Variants in ACOXL observed in about 807,000 individuals in gnomAD.
ACOXL encodes acyl-coenzyme A oxidase-like protein.
In ACOXL, 70 loss-of-function variants were observed where a neutral mutation model predicts 71.9. The ratio of observed to expected loss-of-function variants is 0.97; its 90% CI spans 0.80 to 1.19. ACOXL has a LOEUF of 1.19. Among genes scored for constraint, ACOXL ranks in the 50% most tolerant of loss-of-function variants. The pLI, the probability that ACOXL is intolerant of heterozygous loss-of-function variation, is 0.00. For missense variants in ACOXL, 703 were observed against 736.3 expected (o/e 0.95, Z 0.52); for synonymous variants, 253 against 281.6 (o/e 0.90, Z 1.02).
At chr2:110,767,581 G>A (rs530703659) in intron 1 of ACOXL, among the ~76,000 whole-genome samples, 2 of 152,320 alleles carry the variant, frequency 1.3e-5, no homozygotes, top group East Asian at 3.9e-4. Flanking sequence ...CATGGTGAAT[G>A]TAATTACCAT....
chr2:110,827,369 G>A (rs1310897001), intron 9 of ACOXL, among the ~76,000 whole-genome samples: 1 of 152,038 alleles, frequency 6.6e-6, no homozygotes, highest in African/African-American at 2.4e-5. Context: ...AATAAAGGTA[G>A]CAGGGCATGG....
chr2:110,911,120 A>G (rs1004928601), intron 11 of ACOXL, among the ~76,000 whole-genome samples: 8 of 152,162 alleles, frequency 5.3e-5, no homozygotes, highest in Non-Finnish European at 1.2e-4. Flanking sequence ...CAAAATATAC[A>G]AAACCTATAT....
chr2:111,095,684 C>A (rs759223306), intron 17 of ACOXL, among the ~76,000 whole-genome samples: 46 of 152,158 alleles, frequency 3.0e-4, no homozygotes, highest in Admixed American at 7.2e-4. Context: ...ATCCACTGCA[C>A]CCGGACTGCT....
intron 12 of ACOXL, among the ~76,000 whole-genome samples, chr2:110,963,036 G>A (rs758109711): frequency 3.9e-5 from 6 of 152,146 alleles, no homozygotes; most frequent in Non-Finnish European, 7.3e-5. Flanking sequence ...TGATTCTCTG[G>A]TTTGTGTGCA....
chr2:110,799,969 A>G (rs1685764547), intron 7 of ACOXL, among the ~76,000 whole-genome samples: 1 of 152,220 alleles, frequency 6.6e-6, no homozygotes, highest in Admixed American at 6.5e-5. Flanking sequence ...ACCAATCAGC[A>G]GGAGTCTAAA....
chr2:110,910,918 G>C (rs909690320), intron 11 of ACOXL, among the ~76,000 whole-genome samples: 1 of 151,854 alleles, frequency 6.6e-6, no homozygotes. Context: ...ATGTTATTTG[G>C]GGGAGCAGAA....
At chr2:110,984,932 C>T (rs2062862554) in intron 12 of ACOXL, among the ~76,000 whole-genome samples, 2 of 152,124 alleles carry the variant, frequency 1.3e-5, no homozygotes, top group African/African-American at 4.8e-5. Context: ...AGACAGCAAG[C>T]CAGTAAACAA....
At chr2:110,971,605 A>G (rs1268581719) in intron 12 of ACOXL, among the ~76,000 whole-genome samples, 1 of 152,228 alleles carries the variant, frequency 6.6e-6, no homozygotes, top group Admixed American at 6.5e-5. Context: ...TTAAAAAAGA[A>G]CATTCTTTCC....
At position 110,783,110 on chromosome 2, in the gene ACOXL, C is replaced by T. The variant is rs1683541394; in HGVS notation, c.76-1622C>T. On this transcript the variant is annotated intron_variant, in intron 2 of 17. Transcript: ENST00000439055. The stretch of plus-strand genomic sequence containing the variant: ...TTCTGATAAAGGATACTGCTCTCCA[C>T]TTCCCAGGTGACTCTGGTGGGACAA... Among the ~76,000 whole-genome samples the T allele has an allele frequency of 5.3e-5, 8 of 152,336 alleles. No homozygotes were observed. In the South Asian group the frequency reaches 1.5e-3, roughly 28 times the overall value.
chr2:110,847,812 T>C lies in ACOXL; in HGVS notation c.788+6407T>C, dbSNP rs944615955. Among the ~76,000 whole-genome samples, 5 of 152,252 alleles carry C rather than the reference T, an allele frequency of 3.3e-5. 1 individual carries two copies. Among genetic ancestry groups the C allele is most frequent in the African/African-American group, 1.2e-4 (5 of 41,546 alleles). On this transcript the variant is annotated intron_variant, in intron 10 of 17. Coordinates refer to ENST00000439055, the MANE Select transcript of ACOXL (RefSeq NM_001142807.4). ...GATCGAACTGCTCACAGTGTGACCGTCCTGAGCTAGACTATTGGAGGCCTG... is the reference window on the plus strand; with the variant it reads ...GATCGAACTGCTCACAGTGTGACCGCCCTGAGCTAGACTATTGGAGGCCTG...
chr2:110,744,620 A>T (rs750781054), intron 1 of ACOXL, among the ~76,000 whole-genome samples: 14 of 152,248 alleles, frequency 9.2e-5, no homozygotes, highest in South Asian at 4.1e-4. Flanking sequence ...CACTCCTCCC[A>T]CACTTTGCCA....
At chr2:110,878,929 G>C (rs921718596) in intron 10 of ACOXL, among the ~76,000 whole-genome samples, 19 of 150,756 alleles carry the variant, frequency 1.3e-4, no homozygotes, top group Admixed American at 1.1e-3. Flanking sequence ...ATGGTGGTGG[G>C]TGCCTGTAAT....
At chr2:110,943,342 G>C (rs1481109074) in intron 12 of ACOXL, among the ~76,000 whole-genome samples, 2 of 151,708 alleles carry the variant, frequency 1.3e-5, no homozygotes, top group Non-Finnish European at 2.9e-5. Context: ...AGGAAGGAGG[G>C]AAGGGGAAGG....
chr2:111,103,209 C>T (rs537685287), intron 17 of ACOXL, among the ~76,000 whole-genome samples: 1 of 152,162 alleles, frequency 6.6e-6, no homozygotes, highest in African/African-American at 2.4e-5. Context: ...GCATGAGAAT[C>T]ACTTGAACCT....
chr2:111,007,672 G>A (rs1317321106), intron 14 of ACOXL, among the ~76,000 whole-genome samples: 2 of 152,098 alleles, frequency 1.3e-5, no homozygotes, highest in Non-Finnish European at 2.9e-5. Context: ...AAGGAGAGCT[G>A]GTTCTTTTTC....
At chr2:110,867,585 A>G (rs1694762103) in intron 10 of ACOXL, among the ~76,000 whole-genome samples, 1 of 152,304 alleles carries the variant, frequency 6.6e-6, no homozygotes, top group African/African-American at 2.4e-5. Flanking sequence ...GAAAGGAAAC[A>G]AAGTCCTGTT....
intron 17 of ACOXL, chr2:111,094,072 T>G (rs1471701263): frequency 6.6e-6 from 1 of 152,422 alleles, no homozygotes. Flanking sequence ...GAAAATGCAG[T>G]TGAAACTTCA....
intron 9 of ACOXL, among the ~76,000 whole-genome samples, chr2:110,836,279 C>T (rs1266746473): frequency 6.6e-6 from 1 of 152,212 alleles, no homozygotes; most frequent in East Asian, 1.9e-4. Flanking sequence ...GAAGGGGTTA[C>T]AGAAATCTGT....
chr2:111,041,666 G>A (rs1353941126), intron 15 of ACOXL, among the ~76,000 whole-genome samples: 3 of 152,234 alleles, frequency 2.0e-5, no homozygotes, highest in Non-Finnish European at 2.9e-5. Context: ...TTTGGCCATG[G>A]TGAGCCAAGG....
Sources: allele counts gnomAD v4.1 joint callset (sites outside exome capture counted in the v4.1 genomes callset), GRCh38; gene constraint gnomAD v4.1.1; transcripts MANE v1.5; gene names NCBI Gene and HGNC (gene_info 2026-07-23, HGNC 2026-07-21).